THRAP3: variants seen among roughly 807,000 people sequenced by gnomAD.
THRAP3 encodes the protein thyroid hormone receptor-associated protein 3.
A neutral mutation model predicts 101.0 loss-of-function variants in THRAP3; 16 were observed. The ratio of observed to expected loss-of-function variants is 0.16; its 90% CI spans 0.11 to 0.24. The LOEUF (loss-of-function observed/expected upper bound fraction) is 0.24, where lower values mean the gene tolerates loss of function less well. THRAP3 is among the 10% of genes least tolerant of loss of function. The pLI is 1.00. For synonymous variants in THRAP3, 407 were observed against 422.6 expected (o/e 0.96, Z 0.45); for missense variants, 989 against 1,202.7 (o/e 0.82, Z 2.63).
chr1:36,211,382 C>A, the THRAP3 span, among the ~76,000 whole-genome samples: 2 of 149,386 alleles, frequency 1.3e-5, no homozygotes, highest in African/African-American at 2.5e-5. Flanking sequence ...AAAAAAAAAT[C>A]AAAAAATTAG....
At position 36,286,268 on chromosome 1, in the gene THRAP3, T is replaced by C. The variant is rs1645794788; in HGVS notation, c.138-100T>C. The C allele has an allele frequency of 8.0e-7, 1 of 1,248,738 alleles. No homozygotes were observed. The highest frequency in any genetic ancestry group is 2.4e-5 in the Admixed American group (1 of 41,770). 77.4% of individuals were successfully genotyped at this position (1,248,738 alleles called of 1,614,324 possible). On this transcript the variant is annotated intron_variant, in intron 3 of 11. Transcript: ENST00000354618. The surrounding 1 kb of genome is among the most constrained non-coding windows in gnomAD (Gnocchi z 5.5). The stretch of plus-strand genomic sequence containing the variant: ...CTTGCTTTGAAAACAAAACTGAAAG[T>C]GAATGACACATAAGGGCAGGGATTT...
At chr1:36,208,233 C>T in the THRAP3 span, among the ~76,000 whole-genome samples, 1 of 152,198 alleles carries the variant, frequency 6.6e-6, no homozygotes, top group Non-Finnish European at 1.5e-5. Flanking sequence ...TCATAGTTCC[C>T]ACTGCCTCAG....
chr1:36,249,193 CTTTTT>C (rs35410710), intron 1 of THRAP3, among the ~76,000 whole-genome samples: 5 of 117,520 alleles, frequency 4.3e-5, no homozygotes, highest in Non-Finnish European at 7.0e-5. Flanking sequence ...AGCACAGTCC[CTTTTT>C]TTTTTTTTTT....
the THRAP3 span, among the ~76,000 whole-genome samples, chr1:36,207,677 A>G: frequency 2.0e-5 from 3 of 152,228 alleles, no homozygotes; most frequent in Admixed American, 6.5e-5. Flanking sequence ...TCTCTGCTGC[A>G]TTGACAGACC....
At chr1:36,217,215 T>C in the THRAP3 span, among the ~76,000 whole-genome samples, 1 of 152,298 alleles carries the variant, frequency 6.6e-6, no homozygotes, top group Admixed American at 6.5e-5. Flanking sequence ...GAAGAAGAGT[T>C]CGGTTTCTGG....
intron 1 of THRAP3, among the ~76,000 whole-genome samples, chr1:36,234,807 C>CTTTTTTTTT (rs35278020): frequency 1.7e-4 from 12 of 72,480 alleles, no homozygotes; most frequent in South Asian, 1.3e-3. Flanking sequence ...CTGTTTCAGT[C>CTTTTTTTTT]TTTTTTTTTT....
the THRAP3 span, among the ~76,000 whole-genome samples, chr1:36,208,837 T>C: frequency 6.6e-6 from 1 of 152,098 alleles, no homozygotes; most frequent in Non-Finnish European, 1.5e-5. Context: ...CAGCTAATTT[T>C]TGTACTTTTT....
At chr1:36,226,053 G>GGTA (rs34848482) in intron 1 of THRAP3, among the ~76,000 whole-genome samples, 8,248 of 152,096 alleles carry the variant, frequency 0.054, 756 homozygotes, top group African/African-American at 0.18. Flanking sequence ...CAGTGGTGAT[G>GGTA]GTAGTAGTAG....
intron 8 of THRAP3, among the ~76,000 whole-genome samples, chr1:36,294,508 A>C (rs893060967): frequency 6.6e-6 from 1 of 152,234 alleles, no homozygotes; most frequent in African/African-American, 2.4e-5. Flanking sequence ...GCTTGTATAC[A>C]ATCTGTTACT....
chr1:36,237,602 C>G (rs1042722889), intron 1 of THRAP3, among the ~76,000 whole-genome samples: 6 of 151,996 alleles, frequency 3.9e-5, no homozygotes, highest in Non-Finnish European at 5.9e-5. Flanking sequence ...GAAACCCCCT[C>G]TCTACTAAAA....
the THRAP3 span, among the ~76,000 whole-genome samples, chr1:36,214,578 G>A: frequency 6.6e-6 from 1 of 152,144 alleles, no homozygotes; most frequent in Non-Finnish European, 1.5e-5. Flanking sequence ...GGAAATGTGG[G>A]CCAGGCTCAT....
At chr1:36,297,635 G>C (rs903724105) in intron 9 of THRAP3, among the ~76,000 whole-genome samples, 5 of 151,338 alleles carry the variant, frequency 3.3e-5, no homozygotes, top group Non-Finnish European at 5.9e-5. Context: ...TTTAGAGATG[G>C]AGTTTCACCA....
chr1:36,224,126 T>G (rs1409889175), upstream of THRAP3, among the ~76,000 whole-genome samples: 1 of 152,188 alleles, frequency 6.6e-6, no homozygotes, highest in Non-Finnish European at 1.5e-5. Context: ...AGACTCTCCC[T>G]CCAGGCTGGT....
chr1:36,248,573 T>C (rs1023362078), intron 1 of THRAP3, among the ~76,000 whole-genome samples: 1 of 151,656 alleles, frequency 6.6e-6, no homozygotes, highest in African/African-American at 2.4e-5. Flanking sequence ...CCCGAGTAGC[T>C]AGGACTACAG....
At chr1:36,269,714 G>T (rs1410668104) in intron 2 of THRAP3, among the ~76,000 whole-genome samples, 1 of 151,952 alleles carries the variant, frequency 6.6e-6, no homozygotes, top group Admixed American at 6.6e-5. Flanking sequence ...GGGACTGCAG[G>T]AGCTCACCAT....
chr1:36,299,550 G>T (rs527253937), intron 9 of THRAP3, among the ~76,000 whole-genome samples: 1 of 151,742 alleles, frequency 6.6e-6, no homozygotes, highest in South Asian at 2.1e-4. Flanking sequence ...ACCCAGGCTG[G>T]AGTGCAATGA....
At chr1:36,245,084 G>A (rs1041561927) in intron 1 of THRAP3, among the ~76,000 whole-genome samples, 4 of 151,700 alleles carry the variant, frequency 2.6e-5, no homozygotes, top group Non-Finnish European at 5.9e-5. Context: ...GTTGTAAGTG[G>A]CCTTTGCCAT....
At chr1:36,248,431 C>T (rs1645257648) in intron 1 of THRAP3, among the ~76,000 whole-genome samples, 1 of 144,326 alleles carries the variant, frequency 6.9e-6, no homozygotes, top group African/African-American at 2.5e-5. Flanking sequence ...AGACCCATTG[C>T]ACCCAGCCTC....
chr1:36,223,768 CAT>C (rs1417122726), upstream of THRAP3, among the ~76,000 whole-genome samples: 1 of 152,066 alleles, frequency 6.6e-6, no homozygotes, highest in African/African-American at 2.4e-5. Flanking sequence ...GTCAGAAAAT[CAT>C]AGTTACAGAA....
Sources: allele counts gnomAD v4.1 joint callset (sites outside exome capture counted in the v4.1 genomes callset), GRCh38; gene constraint gnomAD v4.1.1; non-coding constraint Gnocchi (gnomAD v3.1); transcripts MANE v1.5; gene names NCBI Gene and HGNC (gene_info 2026-07-23, HGNC 2026-07-21).